NEMF: variants seen among roughly 807,000 people sequenced by gnomAD.
NEMF encodes ribosome quality control complex subunit NEMF.
In NEMF, 89 loss-of-function variants were observed where a neutral mutation model predicts 162.2. The ratio of observed to expected loss-of-function variants is 0.55; its 90% confidence interval spans 0.46 to 0.65. NEMF has a LOEUF of 0.65. Ranked by LOEUF, NEMF falls within the 30% of genes least tolerant of loss-of-function variation. The pLI, the probability that NEMF is intolerant of heterozygous loss-of-function variation, is 0.00. For synonymous variants in NEMF, 421 were observed against 404.5 expected (o/e 1.04, Z -0.49); for missense variants, 1,133 against 1,261.9 (o/e 0.90, Z 1.55).
Position 49,840,873 on chromosome 14 carries a change from T to C in NEMF, c.358-7A>G, listed in dbSNP as rs114534748. 2.9e-3 allele frequency: 4,624 copies of C among 1,604,608 alleles called. 106 individuals carry two copies. In the African/African-American group the frequency reaches 0.054, roughly 19 times the overall value. ...CTGTAAGAACAATGTTCCCCTGCAATAAAATAAAATACAATTTAGCGCTCT... is the reference window on the plus strand; with the variant it reads ...CTGTAAGAACAATGTTCCCCTGCAACAAAATAAAATACAATTTAGCGCTCT... On this transcript the variant is annotated splice_region_variant and splice_polypyrimidine_tract_variant and intron_variant, in intron 4 of 32. Transcript: ENST00000298310.
intron 16 of NEMF, among the ~76,000 whole-genome samples, chr14:49,821,823 T>C (rs1185099725): frequency 1.3e-5 from 2 of 151,714 alleles, no homozygotes; most frequent in Non-Finnish European, 2.9e-5. Context: ...CAACAGCTCA[T>C]TGAGAATGGG....
intron 15 of NEMF, among the ~76,000 whole-genome samples, chr14:49,827,244 T>A (rs940022001): frequency 3.3e-5 from 5 of 152,174 alleles, no homozygotes; most frequent in African/African-American, 1.2e-4. Context: ...TAGAGTGCAA[T>A]GGCATGATCT....
At chr14:49,840,493 T>A (rs1379426991) in intron 5 of NEMF, among the ~76,000 whole-genome samples, 1 of 151,966 alleles carries the variant, frequency 6.6e-6, no homozygotes, top group African/African-American at 2.4e-5. Context: ...GGACATACAT[T>A]TGCCTCTCCC....
intron 11 of NEMF, among the ~76,000 whole-genome samples, chr14:49,829,728 A>AT (rs1892545795): frequency 6.6e-6 from 1 of 152,094 alleles, no homozygotes; most frequent in South Asian, 2.1e-4. Context: ...AAATCAAGAC[A>AT]TTTTTTCCTA....
intron 18 of NEMF, 83 bp downstream of exon 18, chr14:49,813,905 T>G: frequency 2.5e-6 from 2 of 789,110 alleles, no homozygotes; most frequent in Non-Finnish European, 4.4e-6. Context: ...CATCTGGCCC[T>G]CTATTAAATT....
At chr14:49,802,944 GGTCA>G (rs1891024522) in intron 20 of NEMF, among the ~76,000 whole-genome samples, 1 of 152,008 alleles carries the variant, frequency 6.6e-6, no homozygotes, top group African/African-American at 2.4e-5. Flanking sequence ...TGATATTCTG[GGTCA>G]GTCAGACCCT....
chr14:49,799,865 G>C (rs1027577496), intron 23 of NEMF, among the ~76,000 whole-genome samples, 187 bp from the exon 24 acceptor site: 1 of 152,144 alleles, frequency 6.6e-6, no homozygotes, highest in South Asian at 2.1e-4. Flanking sequence ...TTTTTAAATA[G>C]GTGACGTGTA....
chr14:49,807,433 AT>A (rs1276757417), intron 18 of NEMF, among the ~76,000 whole-genome samples: 2 of 152,108 alleles, frequency 1.3e-5, no homozygotes, highest in Admixed American at 6.6e-5. Flanking sequence ...TATGTTTAAC[AT>A]TTTTTGGAAC....
rs539531163 is a variant in NEMF, at chr14:49,789,431, G to C, written c.2697+65C>G. The C allele has an allele frequency of 8.1e-6, 13 of 1,611,466 alleles. No homozygotes were observed. The South Asian group carries it at 1.4e-4, about 18-fold the overall frequency. On this transcript the variant is annotated intron_variant, in intron 27 of 32. Coordinates refer to ENST00000298310, the MANE Select transcript of NEMF (RefSeq NM_004713.6). ...AGAATGTATTGAATGCCTGTCATAC[G>C]CTAGGCAGTGGGCTAGATGCCCATT...
At position 49,851,549 on chromosome 14, in the gene NEMF, C is replaced by A; in HGVS notation, c.231+14G>T. 6.4e-7 allele frequency: 1 copy of A among 1,567,282 alleles called. No individual in the cohort carries two copies. The highest frequency in any genetic ancestry group is 8.8e-7 in the Non-Finnish European group (1 of 1,139,112). ...CAATCTCTTAAAATTTAGCTTCAAG[C>A]GTAACAAGTTTACCTTCATGGCAAA... On this transcript the variant is annotated intron_variant, in intron 3 of 32. Transcript: ENST00000298310.
chr14:49,782,850 T>C lies in NEMF; in HGVS notation c.*1786A>G, dbSNP rs764112558. On this transcript the variant is annotated 3_prime_UTR_variant, in exon 33 of 33. Transcript: ENST00000298310. ...TTCAGGCTAAGCTTAGAAGCAGTCATTTGCTTTAAAGAAATGTTAGCCAAC... is the reference window on the plus strand; with the variant it reads ...TTCAGGCTAAGCTTAGAAGCAGTCACTTGCTTTAAAGAAATGTTAGCCAAC... 5.0e-6 allele frequency: 8 copies of C among 1,613,748 alleles called. No individual in the cohort carries two copies. The highest frequency in any genetic ancestry group is 1.6e-4 in the Middle Eastern group (1 of 6,080).
intron 32 of NEMF, 40 bp downstream of exon 32, chr14:49,784,885 C>T: frequency 2.0e-6 from 3 of 1,533,080 alleles, no homozygotes; most frequent in South Asian, 1.1e-5. Context: ...TTAAATTGTA[C>T]TGTCAGTCTC....
At chr14:49,828,247 G>T in intron 15 of NEMF, 44 bp downstream of exon 15, 2 of 1,235,460 alleles carry the variant, frequency 1.6e-6, no homozygotes, top group Non-Finnish European at 2.4e-6. Flanking sequence ...ATTAAATTAC[G>T]CAGGCACAAA....
At chr14:49,841,613 A>G (rs1893216356) in intron 4 of NEMF, among the ~76,000 whole-genome samples, 1 of 151,808 alleles carries the variant, frequency 6.6e-6, no homozygotes, top group African/African-American at 2.4e-5. Context: ...GAGAAAGAAA[A>G]TGTGGTCAAT....
At position 49,799,671 on chromosome 14, in the gene NEMF, G is replaced by C; in HGVS notation, c.2380C>G (p.Gln794Glu). 6.2e-7 allele frequency: 1 copy of C among 1,611,360 alleles called. No homozygotes were observed. The highest frequency in any genetic ancestry group is 8.5e-7 in the Non-Finnish European group (1 of 1,178,932). The change falls in exon 24 of 33, where the codon CAG becomes GAG. Residue 794 changes from glutamine (Q) to glutamate (E), a missense_variant. Around this residue, in one of 3 missense-constraint regions of NEMF, gnomAD observed 532 missense variants for 578.6 expected, o/e 0.92. Transcript: ENST00000298310. ...GATTCCTCTTTTGAAGCCAATTTCT[G>C]GATGGACCTATGAAAATAAACACAA... ...LSHLQPQRSI[Q>E]KLASKEESSN... is the part of the protein sequence containing the mutation.
chr14:49,852,736 G>A lies in NEMF; in HGVS notation c.18C>T (p.Ser6=), dbSNP rs1893846658. Reference sequence around the variant, plus strand: ...CGAGTACGGCGCGGAGGTCAATGGTGCTAAAGCGGCTCTTCATGGCGAGGC... The same window carrying A: ...CGAGTACGGCGCGGAGGTCAATGGTACTAAAGCGGCTCTTCATGGCGAGGC... MKSRF[S]TIDLRAVLAE... is the part of the protein sequence containing the mutation. The change falls in exon 1 of 33, where the codon AGC becomes AGT. Residue 6 remains serine, a synonymous_variant. Transcript: ENST00000298310. 4 of 1,614,130 alleles carry A rather than the reference G, an allele frequency of 2.5e-6. No individual in the cohort carries two copies. Among genetic ancestry groups the A allele is most frequent in the Non-Finnish European group, 3.4e-6 (4 of 1,180,056 alleles).
intron 17 of NEMF, among the ~76,000 whole-genome samples, chr14:49,814,316 T>C (rs1235828687): frequency 6.6e-6 from 1 of 152,082 alleles, no homozygotes; most frequent in Non-Finnish European, 1.5e-5. Flanking sequence ...TTGGCCAGGC[T>C]GTTCTTGAAC....
Position 49,802,591 on chromosome 14 carries a change from T to C in NEMF, c.1975-18A>G. ...TCATCTACCTAAAGAAACAGTTATT[T>C]TTCAGTGACGGAGCTTCAGACAAGA... On this transcript the variant is annotated intron_variant, in intron 21 of 32. Coordinates refer to ENST00000298310, the MANE Select transcript of NEMF (RefSeq NM_004713.6). 1 of 1,612,976 alleles carries C rather than the reference T, an allele frequency of 6.2e-7. No homozygotes were observed. The highest frequency in any genetic ancestry group is 1.1e-5 in the South Asian group (1 of 90,694).
chr14:49,803,408 A>G, intron 19 of NEMF, 114 bp from the exon 20 acceptor site: 1 of 621,516 alleles, frequency 1.6e-6, no homozygotes, highest in Non-Finnish European at 2.7e-6. Context: ...TCTTCTGAAA[A>G]GTTTATAATT....
Sources: gnomAD v4.1 joint callset for allele counts (sites outside exome capture counted in the v4.1 genomes callset) on GRCh38, gnomAD v4.1.1 for gene constraint, gnomAD v4.1.1 regional missense constraint, MANE v1.5 for transcripts, NCBI Gene and HGNC (gene_info 2026-07-23, HGNC 2026-07-21) for gene names.